Variants in BAHD1 observed in about 807,000 individuals in gnomAD.
BAHD1 encodes bromo adjacent homology domain containing 1.
Under a neutral mutation model 63.1 loss-of-function variants are expected in BAHD1, and 20 were observed. The ratio of observed to expected loss-of-function variants is 0.32; its 90% CI spans 0.22 to 0.46. The LOEUF (loss-of-function observed/expected upper bound fraction) is 0.46, where lower values mean the gene tolerates loss of function less well. Ranked by LOEUF, BAHD1 falls within the 20% of genes least tolerant of loss-of-function variation. BAHD1 has a pLI of 1.00. For missense variants in BAHD1, 939 were observed against 1,071.8 expected (o/e 0.88, Z 1.73); for synonymous variants, 408 against 426.8 (o/e 0.96, Z 0.54).
chr15:40,458,531 C>A lies in BAHD1; in HGVS notation c.67C>A (p.Leu23Met). The change falls in exon 2 of 7, where the codon CTG becomes ATG. Residue 23 changes from leucine to methionine, a missense_variant. Leu to Met is a conservative substitution (Grantham distance 15). This residue lies in a region of BAHD1 where 797 missense variants were observed against 813.3 expected (regional missense o/e 0.98). Transcript: ENST00000416165. The surrounding 1 kb of genome is among the most constrained non-coding windows in gnomAD (Gnocchi z 4.7). ...SSGLTGRREP[L>M]QMEDSNMEQG... ...GGGCCTCACTGGCCGCCGAGAGCCC[C>A]TGCAGATGGAAGACAGCAACATGGA... The A allele has an allele frequency of 6.2e-7, 1 of 1,613,506 alleles. No individual in the cohort carries two copies. The highest frequency in any genetic ancestry group is 8.5e-7 in the Non-Finnish European group (1 of 1,179,700).
intron 1 of BAHD1, among the ~76,000 whole-genome samples, chr15:40,441,791 C>T (rs1283142146): frequency 6.6e-6 from 1 of 150,580 alleles, no homozygotes; most frequent in East Asian, 2.0e-4. Context: ...GCGGGATCGC[C>T]CGCTCAGGGT....
At chr15:40,444,777 G>A (rs200049027) in intron 1 of BAHD1, among the ~76,000 whole-genome samples, 3 of 152,166 alleles carry the variant, frequency 2.0e-5, no homozygotes, top group Middle Eastern at 3.4e-3. Context: ...TGGGGGAAAC[G>A]GGAAAGAGGA....
chr15:40,457,905 C>T (rs774880180), intron 1 of BAHD1, among the ~76,000 whole-genome samples: 17 of 152,016 alleles, frequency 1.1e-4, no homozygotes, highest in Non-Finnish European at 1.6e-4. Flanking sequence ...CCCAGCTACC[C>T]GAGAGGCTGA....
At chr15:40,453,745 T>A (rs1312691063) in intron 1 of BAHD1, 1 of 151,888 alleles carries the variant, frequency 6.6e-6, no homozygotes, top group East Asian at 1.9e-4. Context: ...AGCCTAGGAG[T>A]TTGAGACCAG....
In BAHD1 at chr15:40,458,473, C is replaced by T. The variant is rs1411405634; in HGVS notation, c.9C>T (p.His3=). The stretch of plus-strand genomic sequence containing the variant: ...CAGGTTGGAAGTACTCCATGACACA[C>T]ACTCGGAGAAAGTCCCTTCCCATGC... The part of the protein sequence containing the change: MT[H]TRRKSLPMLS... The change falls in exon 2 of 7, where the codon CAC becomes CAT. Residue 3 remains histidine, a synonymous_variant. Coordinates refer to ENST00000416165, the MANE Select transcript of BAHD1 (RefSeq NM_014952.5). This position sits in a 1 kb window ranked among gnomAD's most constrained non-coding sequence, Gnocchi z 4.7. The T allele has an allele frequency of 6.3e-7, 1 of 1,583,820 alleles. No individual in the cohort carries two copies. The highest frequency in any genetic ancestry group is 1.8e-5 in the Admixed American group (1 of 57,090).
intron 6 of BAHD1, among the ~76,000 whole-genome samples, 157 bp downstream of exon 6, chr15:40,465,592 C>T (rs1486637832): frequency 6.6e-6 from 1 of 152,166 alleles, no homozygotes; most frequent in Admixed American, 6.5e-5. Flanking sequence ...CTATTGCTTG[C>T]CTCTACCATC....
intron 3 of BAHD1, among the ~76,000 whole-genome samples, 163 bp from the exon 4 acceptor site, chr15:40,463,698 G>T (rs1265121926): frequency 1.3e-5 from 2 of 152,124 alleles, no homozygotes; most frequent in African/African-American, 2.4e-5. Flanking sequence ...CTCCAACCAT[G>T]AGAATTCCCC....
In BAHD1 at chr15:40,459,683, G is replaced by A. The variant is rs1240551637; in HGVS notation, c.1219G>A (p.Val407Met). The change falls in exon 2 of 7, where the codon GTG becomes ATG. Residue 407 changes from valine to methionine, a missense_variant. By Grantham distance (21) the Val-to-Met change is conservative. Transcript: ENST00000416165. ...PMLPEGKLSPVAAPHEEGLLL... is the reference protein window; with the variant it reads ...PMLPEGKLSPMAAPHEEGLLL... Reference sequence around the variant, plus strand: ...GCTTCCTGAGGGCAAGCTGTCCCCAGTGGCTGCACCTCACGAGGAGGGGCT... The same window carrying A: ...GCTTCCTGAGGGCAAGCTGTCCCCAATGGCTGCACCTCACGAGGAGGGGCT... 1.2e-6 allele frequency: 2 copies of A among 1,613,934 alleles called. No individual in the cohort carries two copies. Among genetic ancestry groups the A allele is most frequent in the Non-Finnish European group, 1.7e-6 (2 of 1,179,998 alleles).
chr15:40,466,109 C>T lies in BAHD1; in HGVS notation c.2322C>T (p.Arg774=). The change falls in exon 7 of 7, where the codon CGC becomes CGT. Residue 774 remains arginine (R), a synonymous_variant. Coordinates refer to ENST00000416165, the MANE Select transcript of BAHD1 (RefSeq NM_014952.5). ...ATGTCTATGACTTCCGCCACGGGCGCATCCTTAAGAACCCCCAGTAGCCTC... is the reference window on the plus strand; with the variant it reads ...ATGTCTATGACTTCCGCCACGGGCGTATCCTTAAGAACCCCCAGTAGCCTC... ...CRHVYDFRHG[R]ILKNPQ is the part of the protein sequence containing the mutation. 6.2e-7 allele frequency: 1 copy of T among 1,613,574 alleles called. No individual in the cohort carries two copies. Among genetic ancestry groups the T allele is most frequent in the East Asian group, 2.2e-5 (1 of 44,872 alleles).
At chr15:40,444,408 C>T (rs1219866873) in intron 1 of BAHD1, among the ~76,000 whole-genome samples, 9 of 152,160 alleles carry the variant, frequency 5.9e-5, no homozygotes, top group Admixed American at 5.9e-4. Flanking sequence ...ACCATATAGA[C>T]ATTGGAAAAG....
intron 1 of BAHD1, among the ~76,000 whole-genome samples, chr15:40,452,460 C>G (rs1893734199): frequency 6.6e-6 from 1 of 152,264 alleles, no homozygotes; most frequent in Admixed American, 6.5e-5. Flanking sequence ...CTTGGCCTTT[C>G]ACTGTAGAGT....
At chr15:40,465,918 C>T (rs1405740323) in intron 6 of BAHD1, 23 bp from the exon 7 acceptor site, 3 of 1,544,066 alleles carry the variant, frequency 1.9e-6, no homozygotes, top group East Asian at 4.6e-5. Context: ...GGAGTAAAGA[C>T]AGTGAATGGT....
At chr15:40,454,409 T>G (rs1056537158) in intron 1 of BAHD1, 4 of 152,362 alleles carry the variant, frequency 2.6e-5, no homozygotes, top group Non-Finnish European at 4.4e-5. Context: ...CTATGACAGT[T>G]TAGCTGGGCC....
At chr15:40,457,501 A>G (rs1020114444) in intron 1 of BAHD1, among the ~76,000 whole-genome samples, 4 of 152,128 alleles carry the variant, frequency 2.6e-5, no homozygotes, top group Non-Finnish European at 5.9e-5. Flanking sequence ...TTCACCCTTG[A>G]TAGAGCTTTT....
chr15:40,463,714 C>T lies in BAHD1; in HGVS notation c.1816-147C>T, dbSNP rs73389007. 3.2e-4 allele frequency: 273 copies of T among 847,444 alleles called. No individual in the cohort carries two copies. In the African/African-American group the frequency reaches 4.5e-3, roughly 14 times the overall value. The allele number at this position is 847,444 out of a possible 1,614,324, so 52.5% of individuals were successfully genotyped here. A position where few individuals can be genotyped will look rare whatever the true frequency, so the allele number is the denominator to read the frequency against. ...TCCAACCATGAGAATTCCCCAGCCCCATCCAAAAAAGGATAGTGGTTTGAC... is the reference window on the plus strand; with the variant it reads ...TCCAACCATGAGAATTCCCCAGCCCTATCCAAAAAAGGATAGTGGTTTGAC... On this transcript the variant is annotated intron_variant, in intron 3 of 6. Coordinates refer to ENST00000416165, the MANE Select transcript of BAHD1 (RefSeq NM_014952.5).
Position 40,465,196 on chromosome 15 carries a change from T to C in BAHD1, c.2053-139T>C, listed in dbSNP as rs1894166558. 7.1e-6 allele frequency: 5 copies of C among 708,408 alleles called. No homozygotes were observed. In the East Asian group the frequency reaches 1.3e-4, roughly 19 times the overall value. 43.9% of individuals were successfully genotyped at this position (708,408 alleles called of 1,614,324 possible). ...ATGCCTGGAGGCAGTAGGTGAGGCA[T>C]ACTTAGGCTGAATTTCCAGGGAAGC... On this transcript the variant is annotated intron_variant, in intron 5 of 6. Transcript: ENST00000416165.
At chr15:40,439,811 C>G (rs1317389701), upstream of BAHD1, 1 of 152,398 alleles carries the variant, frequency 6.6e-6, no homozygotes, top group Non-Finnish European at 1.5e-5. Context: ...ACAGCTCCTT[C>G]CCGCACCTAA....
At position 40,466,241 on chromosome 15, in the gene BAHD1, G is replaced by T; in HGVS notation, c.*111G>T. On this transcript the variant is annotated 3_prime_UTR_variant, in exon 7 of 7. Coordinates refer to ENST00000416165, the MANE Select transcript of BAHD1 (RefSeq NM_014952.5). The stretch of plus-strand genomic sequence containing the variant: ...GGGCCACAGAGGCCTAAGTTTGCTG[G>T]CCTGTGGTTTTCTTGGGGGGGAGGG... The T allele has an allele frequency of 1.3e-6, 1 of 755,068 alleles. No homozygotes were observed. The highest frequency in any genetic ancestry group is 2.0e-6 in the Non-Finnish European group (1 of 500,776). The allele number at this position is 755,068 out of a possible 1,614,324, so 46.8% of individuals were successfully genotyped here. A position where few individuals can be genotyped will look rare whatever the true frequency, so the allele number is the denominator to read the frequency against.
Position 40,466,379 on chromosome 15 carries a change from G to A in BAHD1, c.*249G>A, listed in dbSNP as rs774868353. 3.4e-6 allele frequency: 1 copy of A among 290,550 alleles called. No individual in the cohort carries two copies. Among genetic ancestry groups the A allele is most frequent in the Non-Finnish European group, 6.4e-6 (1 of 156,674 alleles). 18.0% of individuals were successfully genotyped at this position (290,550 alleles called of 1,614,324 possible). On this transcript the variant is annotated 3_prime_UTR_variant, in exon 7 of 7. Transcript: ENST00000416165. ...AAGGTACCTTCTGTGGTTCCCCTGG[G>A]TGGAGATTTCCGAAAAGTAGTCTTC...
Sources: gnomAD v4.1 joint callset for allele counts (sites outside exome capture counted in the v4.1 genomes callset) on GRCh38, gnomAD v4.1.1 for gene constraint, gnomAD v4.1.1 regional missense constraint, Gnocchi (gnomAD v3.1) non-coding constraint, MANE v1.5 for transcripts, NCBI Gene and HGNC (gene_info 2026-07-23, HGNC 2026-07-21) for gene names.